Variants in TRPM3 observed in about 807,000 individuals in gnomAD.
The protein encoded by TRPM3 is transient receptor potential cation channel subfamily M member 3.
A neutral mutation model predicts 181.2 loss-of-function variants in TRPM3; 77 were observed. The ratio of observed to expected loss-of-function variants is 0.42; its 90% confidence interval spans 0.35 to 0.51. The LOEUF is 0.51. Ranked by LOEUF, TRPM3 falls within the 20% of genes least tolerant of loss-of-function variation. The probability of loss-of-function intolerance (pLI) is 0.01; values close to 1 mark genes in which losing one functional copy is unlikely to be tolerated. For missense variants in TRPM3, 1,759 were observed against 2,196.7 expected (o/e 0.80, Z 3.98); for synonymous variants, 745 against 796.4 (o/e 0.94, Z 1.09).
At chr9:70,679,630 A>T (rs1229092785) in intron 9 of TRPM3, among the ~76,000 whole-genome samples, 1 of 152,180 alleles carries the variant, frequency 6.6e-6, no homozygotes, top group East Asian at 1.9e-4. Flanking sequence ...TTAATGGTCA[A>T]CTTATCTTGA....
chr9:71,202,332 G>A lies in TRPM3; in HGVS notation c.183+244321C>T, dbSNP rs140813042. Among the ~76,000 whole-genome samples, 24 of 152,252 alleles carry A rather than the reference G, an allele frequency of 1.6e-4. No individual in the cohort carries two copies. In the East Asian group the frequency reaches 2.3e-3, roughly 15 times the overall value. ...TGCCCATTCTCAGATCTCCATGTGC[G>A]TGCTGGGAGAACCACTGCTCTCTTC... On this transcript the variant is annotated intron_variant, in intron 1 of 24. Transcript: ENST00000357533.
chr9:71,379,738 T>C (rs1448086280), intron 1 of TRPM3, among the ~76,000 whole-genome samples: 2 of 151,962 alleles, frequency 1.3e-5, no homozygotes, highest in African/African-American at 2.4e-5. Context: ...AGTCTTTATA[T>C]GTTGAAAAGC....
chr9:71,301,526 C>A (rs2086777458), intron 1 of TRPM3, among the ~76,000 whole-genome samples: 1 of 152,092 alleles, frequency 6.6e-6, no homozygotes, highest in African/African-American at 2.4e-5. Flanking sequence ...TATCATATGG[C>A]AAAACGTAAT....
chr9:70,797,711 C>G (rs1401977705), intron 6 of TRPM3, among the ~76,000 whole-genome samples: 1 of 152,226 alleles, frequency 6.6e-6, no homozygotes, highest in African/African-American at 2.4e-5. Context: ...TGCCCCTTTA[C>G]TCACTTGGCC....
intron 1 of TRPM3, among the ~76,000 whole-genome samples, chr9:71,316,757 A>G (rs2088632203): frequency 6.6e-6 from 1 of 152,164 alleles, no homozygotes; most frequent in African/African-American, 2.4e-5. Flanking sequence ...TCTGACTTAC[A>G]GAACTCTAAG....
intron 8 of TRPM3, among the ~76,000 whole-genome samples, chr9:70,751,087 ACAGAATAC>A (rs1412970948): frequency 7.9e-5 from 12 of 152,180 alleles, no homozygotes; most frequent in Non-Finnish European, 1.5e-4. Context: ...GGTAATTAGC[ACAGAATAC>A]ATGCAATTAG....
At chr9:71,071,666 TGATTAGAGA>T (rs1316172262) in intron 1 of TRPM3, among the ~76,000 whole-genome samples, 1 of 152,004 alleles carries the variant, frequency 6.6e-6, no homozygotes, top group African/African-American at 2.4e-5. Flanking sequence ...GGTAGTAGAG[TGATTAGAGA>T]TATGGAACAG....
intron 1 of TRPM3, among the ~76,000 whole-genome samples, chr9:71,013,622 T>C (rs1436454541): frequency 3.9e-5 from 6 of 152,062 alleles, no homozygotes; most frequent in African/African-American, 1.2e-4. Context: ...CCAGTTTAAG[T>C]CTTTTATCTC....
intron 1 of TRPM3, among the ~76,000 whole-genome samples, chr9:71,232,830 T>C (rs2081144644): frequency 6.6e-6 from 1 of 152,148 alleles, no homozygotes; most frequent in Non-Finnish European, 1.5e-5. Flanking sequence ...TCCTTCTCCC[T>C]TACTGGTTCA....
intron 6 of TRPM3, among the ~76,000 whole-genome samples, chr9:70,794,977 A>G (rs956515000): frequency 3.9e-5 from 6 of 152,228 alleles, no homozygotes; most frequent in African/African-American, 1.4e-4. Context: ...CTGAATACAT[A>G]CAGACATTTT....
chr9:70,624,265 T>C (rs1278658361), intron 14 of TRPM3, among the ~76,000 whole-genome samples: 1 of 152,190 alleles, frequency 6.6e-6, no homozygotes, highest in Non-Finnish European at 1.5e-5. Context: ...GATAGACCGT[T>C]GGATTTTACT....
chr9:71,032,969 C>T (rs935870205), intron 1 of TRPM3, among the ~76,000 whole-genome samples: 10 of 152,364 alleles, frequency 6.6e-5, no homozygotes, highest in African/African-American at 2.4e-4. Flanking sequence ...CCCTGCTTTA[C>T]TTAGTGCCAA....
At chr9:71,129,206 C>T (rs118021067) in intron 1 of TRPM3, among the ~76,000 whole-genome samples, 2,661 of 152,240 alleles carry the variant, frequency 0.017, 41 homozygotes, top group South Asian at 0.037. Context: ...TTTTTATTAA[C>T]ATTAATAGTA....
At chr9:71,283,375 C>T (rs1483385127) in intron 1 of TRPM3, among the ~76,000 whole-genome samples, 1 of 152,178 alleles carries the variant, frequency 6.6e-6, no homozygotes, top group African/African-American at 2.4e-5. Context: ...TGGCTCACTG[C>T]AAGCTGTGCC....
At chr9:71,006,288 T>G (rs2097672433) in intron 1 of TRPM3, among the ~76,000 whole-genome samples, 1 of 151,968 alleles carries the variant, frequency 6.6e-6, no homozygotes, top group African/African-American at 2.4e-5. Context: ...AGAATGAATC[T>G]ACAAAACACC....
chr9:71,083,349 C>A (rs1461937697), intron 1 of TRPM3, among the ~76,000 whole-genome samples: 2 of 151,974 alleles, frequency 1.3e-5, no homozygotes. Context: ...AACAAATGTT[C>A]AGAAAGGCAA....
At chr9:71,044,735 G>A (rs1199060593) in intron 1 of TRPM3, among the ~76,000 whole-genome samples, 6 of 151,998 alleles carry the variant, frequency 3.9e-5, no homozygotes, top group African/African-American at 1.5e-4. Context: ...GCAGTGGCGC[G>A]GCCTCGGCTC....
chr9:71,054,556 G>C (rs555813385), intron 1 of TRPM3, among the ~76,000 whole-genome samples: 22 of 152,180 alleles, frequency 1.4e-4, no homozygotes, highest in African/African-American at 5.3e-4. Context: ...TACTTTCATT[G>C]TCTGGTTTAT....
At chr9:70,647,936 G>A (rs1418260569) in intron 9 of TRPM3, among the ~76,000 whole-genome samples, 1 of 152,088 alleles carries the variant, frequency 6.6e-6, no homozygotes, top group Non-Finnish European at 1.5e-5. Context: ...TGCAATATCA[G>A]TCACAATAGC....
Sources: allele counts gnomAD v4.1 joint callset (sites outside exome capture counted in the v4.1 genomes callset), GRCh38; gene constraint gnomAD v4.1.1; transcripts MANE v1.5; gene names NCBI Gene and HGNC (gene_info 2026-07-23, HGNC 2026-07-21).